Variants in USP31 observed in about 807,000 individuals in gnomAD.
USP31 encodes ubiquitin carboxyl-terminal hydrolase 31.
USP31 carries 44 observed loss-of-function variants against 119.4 expected under a neutral mutation model. The observed-to-expected ratio is 0.37, with a 90% CI of 0.29 to 0.47. The LOEUF (loss-of-function observed/expected upper bound fraction) is 0.47, where lower values mean the gene tolerates loss of function less well. USP31 is among the 20% of genes least tolerant of loss of function. USP31 has a pLI of 0.99. For synonymous variants in USP31, 749 were observed against 705.6 expected (o/e 1.06, Z -0.97); for missense variants, 1,643 against 1,730.2 (o/e 0.95, Z 0.89).
intron 1 of USP31, among the ~76,000 whole-genome samples, chr16:23,126,215 A>G (rs1902847629): frequency 6.6e-6 from 1 of 151,518 alleles, no homozygotes; most frequent in Non-Finnish European, 1.5e-5. Flanking sequence ...CCCAGCTACC[A>G]CAGAGGCTGA....
Position 23,067,585 on chromosome 16 carries a change from T to G in USP31, c.*461A>C, listed in dbSNP as rs1900126802. ...ATTTGTTTCGTTGTTAGAGTCACAG[T>G]TTTTAGAGCTCCTGGTGCCACCCAC... On this transcript the variant is annotated 3_prime_UTR_variant, in exon 16 of 16. Transcript: ENST00000219689. The G allele has an allele frequency of 6.5e-6, 1 of 154,714 alleles. No homozygotes were observed. Among genetic ancestry groups the G allele is most frequent in the South Asian group, 2.0e-4 (1 of 4,916 alleles). The allele number at this position is 154,714 out of a possible 1,614,324, so 9.6% of individuals were successfully genotyped here. A position where few individuals can be genotyped will look rare whatever the true frequency, so the allele number is the denominator to read the frequency against.
chr16:23,091,849 G>A (rs768731741), intron 6 of USP31, among the ~76,000 whole-genome samples: 29 of 152,142 alleles, frequency 1.9e-4, no homozygotes, highest in South Asian at 4.1e-4. Flanking sequence ...ATCACAAAAG[G>A]AACAGGAGTA....
intron 6 of USP31, among the ~76,000 whole-genome samples, chr16:23,096,315 C>T (rs566085233): frequency 3.9e-5 from 6 of 152,112 alleles, no homozygotes; most frequent in Non-Finnish European, 8.8e-5. Flanking sequence ...TATATATGCA[C>T]CCAATACAGG....
rs768663962 is a variant in USP31, at chr16:23,068,488, G to C, written c.3617C>G (p.Ser1206Cys). 5 of 1,613,358 alleles carry C rather than the reference G, an allele frequency of 3.1e-6. No homozygotes were observed. In the East Asian group the frequency reaches 8.9e-5, roughly 29 times the overall value. The change falls in exon 16 of 16, where the codon TCC becomes TGC. Residue 1206 changes from serine to cysteine, a missense_variant. This residue lies in a region of USP31 where 699 missense variants were observed against 650.9 expected (regional missense o/e 1.07). Coordinates refer to ENST00000219689, the MANE Select transcript of USP31 (RefSeq NM_020718.4). ...ACCAGACTTGATGCTTGTGCTGGGG[G>C]AGCGCAGGCTGGCCATGGAGGAGCT... ...VRSSSMASLR[S>C]PSTSIKSGLK...
chr16:23,106,165 G>A, intron 4 of USP31, 48 bp downstream of exon 4: 1 of 1,605,978 alleles, frequency 6.2e-7, no homozygotes, highest in Non-Finnish European at 8.5e-7. Flanking sequence ...AGAGGCAAAG[G>A]GATACCATAA....
Position 23,084,937 on chromosome 16 carries a change from G to A in USP31, c.1753C>T (p.Leu585=), listed in dbSNP as rs780234345. ...EYIPDAESVR[L]QRERHHQPQT... Reference sequence around the variant, plus strand: ...GGCTGATGATGACGCTCCCTTTGCAGACGAACACTTTCTGCATCAGGAATA... The same window carrying A: ...GGCTGATGATGACGCTCCCTTTGCAAACGAACACTTTCTGCATCAGGAATA... Residue 585 remains leucine (L), a synonymous_variant, in exon 11 of 16, where the codon CTG becomes TTG. Coordinates refer to ENST00000219689, the MANE Select transcript of USP31 (RefSeq NM_020718.4). 2.9e-5 allele frequency: 47 copies of A among 1,614,072 alleles called. No individual in the cohort carries two copies. The highest frequency in any genetic ancestry group is 3.8e-5 in the Non-Finnish European group (45 of 1,180,020).
Position 23,065,790 on chromosome 16 carries a change from T to C in USP31, c.*2256A>G, listed in dbSNP as rs1343303152. 1 of 152,210 alleles carries C rather than the reference T, an allele frequency of 6.6e-6. No homozygotes were observed. Among genetic ancestry groups the C allele is most frequent in the African/African-American group, 2.4e-5 (1 of 41,452 alleles). The allele number at this position is 152,210 out of a possible 1,614,324, so 9.4% of individuals were successfully genotyped here. A position where few individuals can be genotyped will look rare whatever the true frequency, so the allele number is the denominator to read the frequency against. On this transcript the variant is annotated 3_prime_UTR_variant, in exon 16 of 16. Coordinates refer to ENST00000219689, the MANE Select transcript of USP31 (RefSeq NM_020718.4). ...TTTACCACTGTGAAAATTAAACTAG[T>C]TTCTATTAATGCTTGACTACAGCAA...
intron 14 of USP31, 126 bp from the exon 15 acceptor site, chr16:23,072,323 G>C: frequency 7.7e-7 from 1 of 1,303,236 alleles, no homozygotes; most frequent in Non-Finnish European, 1.1e-6. Context: ...CCCGAGGTCA[G>C]CATCAATTCC....
chr16:23,118,530 C>A (rs892612594), intron 1 of USP31, among the ~76,000 whole-genome samples: 2 of 152,032 alleles, frequency 1.3e-5, no homozygotes, highest in African/African-American at 4.8e-5. Context: ...GGAAAAGCTC[C>A]GGAGTTTCAC....
intron 5 of USP31, among the ~76,000 whole-genome samples, chr16:23,104,091 C>T (rs1000361927): frequency 6.6e-6 from 1 of 152,198 alleles, no homozygotes; most frequent in Non-Finnish European, 1.5e-5. Flanking sequence ...ACCAGCCCTG[C>T]AAACCTGAAC....
At chr16:23,135,384 A>G (rs1903158281) in intron 1 of USP31, among the ~76,000 whole-genome samples, 2 of 152,198 alleles carry the variant, frequency 1.3e-5, no homozygotes, top group Non-Finnish European at 2.9e-5. Flanking sequence ...TTAAAAATGA[A>G]AAGGAAGAAG....
In USP31 at chr16:23,068,036, T is replaced by G; in HGVS notation, c.*10A>C. 6.3e-7 allele frequency: 1 copy of G among 1,599,852 alleles called. No homozygotes were observed. Among genetic ancestry groups the G allele is most frequent in the African/African-American group, 1.3e-5 (1 of 74,262 alleles). ...ATCTTTACAGATAAAACACTTTGAT[T>G]GCAGAAATATCACTGAGGTTTTTGA... On this transcript the variant is annotated 3_prime_UTR_variant, in exon 16 of 16. Transcript: ENST00000219689.
chr16:23,062,188 G>T lies in USP31; in HGVS notation c.*5858C>A, dbSNP rs1899859532. ...TTTGTAGGCAGCATGAGGCTCGACA[G>T]AATGAAACCATCAGATTACTTCGAA... is the stretch of plus-strand genomic sequence containing the variant. On this transcript the variant is annotated 3_prime_UTR_variant, in exon 16 of 16. Coordinates refer to ENST00000219689, the MANE Select transcript of USP31 (RefSeq NM_020718.4). The T allele has an allele frequency of 6.6e-6, 1 of 152,516 alleles. No homozygotes were observed. Among genetic ancestry groups the T allele is most frequent in the African/African-American group, 2.4e-5 (1 of 41,436 alleles). 9.4% of individuals were successfully genotyped at this position (152,516 alleles called of 1,614,324 possible). A position where few individuals can be genotyped will look rare whatever the true frequency, so the allele number is the denominator to read the frequency against.
intron 1 of USP31, among the ~76,000 whole-genome samples, chr16:23,123,035 G>A (rs1902725387): frequency 6.6e-6 from 1 of 152,156 alleles, no homozygotes; most frequent in Non-Finnish European, 1.5e-5. Context: ...GGTGGTAGAA[G>A]ACAGTCTATG....
chr16:23,090,688 C>T lies in USP31; in HGVS notation c.1351G>A (p.Ala451Thr). The T allele has an allele frequency of 6.2e-7, 1 of 1,614,102 alleles. No homozygotes were observed. The highest frequency in any genetic ancestry group is 8.5e-7 in the Non-Finnish European group (1 of 1,179,978). The change falls in exon 7 of 16, where the codon GCA (alanine) becomes ACA (threonine). Residue 451 changes from alanine (A) to threonine (T), a missense_variant. Around this residue, in one of 5 missense-constraint regions of USP31, gnomAD observed 219 missense variants for 226.4 expected, o/e 0.97. Transcript: ENST00000219689. The part of the protein sequence containing the change: ...QGKMDSPTSR[A>T]GSDKIVLLVC... Reference sequence around the variant, plus strand: ...AACAGGACAATCTTGTCGCTGCCTGCTCTTGATGTGGGAGAATCCATTTTC... The same window carrying T: ...AACAGGACAATCTTGTCGCTGCCTGTTCTTGATGTGGGAGAATCCATTTTC...
Position 23,066,544 on chromosome 16 carries a change from A to C in USP31, c.*1502T>G, listed in dbSNP as rs1900079737. 6.6e-6 allele frequency: 1 copy of C among 152,224 alleles called. No individual in the cohort carries two copies. The highest frequency in any genetic ancestry group is 2.4e-5 in the African/African-American group (1 of 41,452). The allele number at this position is 152,224 out of a possible 1,614,324, so 9.4% of individuals were successfully genotyped here. Reference sequence around the variant, plus strand: ...CACCAAGGGTTCAAGAAGAACTTGAAGAGTCTGACGAAAAACGCTAATATT... The same window carrying C: ...CACCAAGGGTTCAAGAAGAACTTGACGAGTCTGACGAAAAACGCTAATATT... On this transcript the variant is annotated 3_prime_UTR_variant, in exon 16 of 16. Transcript: ENST00000219689.
At chr16:23,127,476 T>G (rs1467675086) in intron 1 of USP31, among the ~76,000 whole-genome samples, 4 of 152,036 alleles carry the variant, frequency 2.6e-5, no homozygotes, top group Non-Finnish European at 1.5e-5. Flanking sequence ...AACTGATTTT[T>G]TTTTGAGATG....
chr16:23,147,965 G>C (rs1330215585), intron 1 of USP31, among the ~76,000 whole-genome samples: 1 of 152,080 alleles, frequency 6.6e-6, no homozygotes, highest in Non-Finnish European at 1.5e-5. Context: ...TAGCCTGTCA[G>C]CACATCAATC....
At position 23,149,375 on chromosome 16, in the gene USP31, C is replaced by T. The variant is rs1196659739; in HGVS notation, c.-105G>A. Reference sequence around the variant, plus strand: ...CGCCGCGCCTCACCGGGCCCGGGGGCTCGACGCCCCACACACCTCAAAGCG... The same window carrying T: ...CGCCGCGCCTCACCGGGCCCGGGGGTTCGACGCCCCACACACCTCAAAGCG... On this transcript the variant is annotated 5_prime_UTR_variant, in exon 1 of 16. Coordinates refer to ENST00000219689, the MANE Select transcript of USP31 (RefSeq NM_020718.4). The T allele has an allele frequency of 5.1e-6, 5 of 987,582 alleles. No individual in the cohort carries two copies. Among genetic ancestry groups the T allele is most frequent in the Non-Finnish European group, 6.0e-6 (5 of 832,364 alleles). 61.2% of individuals were successfully genotyped at this position (987,582 alleles called of 1,614,324 possible).
Sources: gnomAD v4.1 joint callset for allele counts (sites outside exome capture counted in the v4.1 genomes callset) on GRCh38, gnomAD v4.1.1 for gene constraint, gnomAD v4.1.1 regional missense constraint, MANE v1.5 for transcripts, NCBI Gene and HGNC (gene_info 2026-07-23, HGNC 2026-07-21) for gene names.